ATXN1: variants seen among roughly 807,000 people sequenced by gnomAD.
ATXN1 encodes ataxin-1.
In ATXN1, 8 loss-of-function variants were observed where a neutral mutation model predicts 56.4. The observed-to-expected ratio is 0.14, with a 90% CI of 0.08 to 0.26. ATXN1 has a LOEUF of 0.26. Among genes scored for constraint, ATXN1 ranks in the 10% least tolerant of loss-of-function variants. The probability of loss-of-function intolerance (pLI) is 1.00; values close to 1 mark genes in which losing one functional copy is unlikely to be tolerated. For synonymous variants in ATXN1, 514 were observed against 494.6 expected (o/e 1.04, Z -0.52); for missense variants, 987 against 1,106.5 (o/e 0.89, Z 1.53).
intron 3 of ATXN1, among the ~76,000 whole-genome samples, chr6:16,593,681 T>G (rs917867433): frequency 2.6e-5 from 4 of 152,102 alleles, no homozygotes; most frequent in Admixed American, 6.6e-5. Flanking sequence ...TATAATACTA[T>G]CATACTGTAT....
chr6:16,330,425 C>A (rs1256426968), intron 6 of ATXN1, among the ~76,000 whole-genome samples: 2 of 113,360 alleles, frequency 1.8e-5, no homozygotes, highest in South Asian at 5.3e-4. Flanking sequence ...GGTCTTGCTT[C>A]GTTGCTCAGA....
intron 3 of ATXN1, among the ~76,000 whole-genome samples, chr6:16,649,592 G>C (rs1763860023): frequency 6.6e-6 from 1 of 152,234 alleles, no homozygotes; most frequent in Non-Finnish European, 1.5e-5. Context: ...ATATACGCCA[G>C]TAGTTTAGTT....
intron 6 of ATXN1, among the ~76,000 whole-genome samples, chr6:16,445,846 C>T (rs1204153166): frequency 9.9e-5 from 15 of 151,100 alleles, no homozygotes; most frequent in African/African-American, 3.4e-4. Flanking sequence ...CTACAAAGGA[C>T]GTGAACTCAT....
At chr6:16,393,336 G>C (rs1758392318) in intron 6 of ATXN1, among the ~76,000 whole-genome samples, 1 of 152,066 alleles carries the variant, frequency 6.6e-6, no homozygotes, top group Non-Finnish European at 1.5e-5. Flanking sequence ...CTGGGCTCAA[G>C]CAATCCTCCC....
chr6:16,624,383 G>A (rs1015140782), intron 3 of ATXN1, among the ~76,000 whole-genome samples: 3 of 150,828 alleles, frequency 2.0e-5, no homozygotes, highest in Non-Finnish European at 4.4e-5. Flanking sequence ...GAGTTCTGGA[G>A]ATGGATGGTG....
chr6:16,597,130 G>C (rs746800041), intron 3 of ATXN1, among the ~76,000 whole-genome samples: 1 of 152,342 alleles, frequency 6.6e-6, no homozygotes, highest in Admixed American at 6.5e-5. Flanking sequence ...CCTCCCAGGG[G>C]ATTGAGCTCC....
At position 16,526,064 on chromosome 6, in the gene ATXN1, T is replaced by TATATATATATATATATACACAC. The variant is rs370698828; in HGVS notation, c.-360-3377_-360-3376insGTGTGTATATATATATATATAT. ...ATCTATATATATATATATATATATA[T>TATATATATATATATATACACAC]ACATACATACAATCTATTTATAATG... On this transcript the variant is annotated intron_variant, in intron 4 of 7. Coordinates refer to ENST00000436367, the MANE Select transcript of ATXN1 (RefSeq NM_001128164.2). Among the ~76,000 whole-genome samples, 8 of 133,312 alleles carry TATATATATATATATATACACAC rather than the reference T, an allele frequency of 6.0e-5. No homozygotes were observed. The East Asian group carries it at 8.3e-4, about 14-fold the overall frequency. The allele number at this position is 133,312 out of a possible 152,430, so 87.5% of individuals were successfully genotyped here.
chr6:16,548,320 G>A (rs1357225038), intron 4 of ATXN1, among the ~76,000 whole-genome samples: 1 of 152,184 alleles, frequency 6.6e-6, no homozygotes, highest in Non-Finnish European at 1.5e-5. Context: ...GTCAGTGAGT[G>A]GGTGGTGAGC....
At chr6:16,458,244 A>C (rs1388516684) in intron 6 of ATXN1, among the ~76,000 whole-genome samples, 8 of 152,212 alleles carry the variant, frequency 5.3e-5, no homozygotes, top group African/African-American at 1.9e-4. Flanking sequence ...GATCATGGGA[A>C]CTGGAGTCGC....
chr6:16,337,288 C>T (rs1025924036), intron 6 of ATXN1, among the ~76,000 whole-genome samples: 8 of 152,344 alleles, frequency 5.3e-5, no homozygotes, highest in Admixed American at 2.6e-4. Context: ...CTCTGCCACC[C>T]CTGGAAACAT....
chr6:16,577,098 C>T (rs1160519385), intron 4 of ATXN1, among the ~76,000 whole-genome samples: 1 of 152,178 alleles, frequency 6.6e-6, no homozygotes, highest in Non-Finnish European at 1.5e-5. Flanking sequence ...CTCTTGTCCC[C>T]AGACCACAGA....
chr6:16,436,811 G>A (rs1759401996), intron 6 of ATXN1, among the ~76,000 whole-genome samples: 1 of 152,168 alleles, frequency 6.6e-6, no homozygotes, highest in African/African-American at 2.4e-5. Flanking sequence ...GTTTTGATCA[G>A]AGGAGGTACA....
chr6:16,744,897 G>A (rs1351165604), intron 2 of ATXN1, among the ~76,000 whole-genome samples: 1 of 152,036 alleles, frequency 6.6e-6, no homozygotes, highest in Non-Finnish European at 1.5e-5. Flanking sequence ...TGAAATGAAA[G>A]GACACTGGAC....
intron 4 of ATXN1, among the ~76,000 whole-genome samples, chr6:16,565,571 G>T (rs974561546): frequency 6.6e-6 from 1 of 152,070 alleles, no homozygotes; most frequent in South Asian, 2.1e-4. Context: ...AATAATCATA[G>T]TAATAATAAT....
At chr6:16,516,935 A>G (rs1761193935) in intron 5 of ATXN1, among the ~76,000 whole-genome samples, 1 of 152,186 alleles carries the variant, frequency 6.6e-6, no homozygotes. Context: ...ATTTTCCCCA[A>G]AATTTAGTTG....
intron 1 of ATXN1, among the ~76,000 whole-genome samples, chr6:16,756,193 C>T (rs1467568862): frequency 2.0e-5 from 3 of 151,850 alleles, no homozygotes; most frequent in Admixed American, 2.0e-4. Flanking sequence ...TTGTCTAAAA[C>T]CATTCTTTTT....
chr6:16,427,538 C>A (rs138242325), intron 6 of ATXN1, among the ~76,000 whole-genome samples: 2 of 152,132 alleles, frequency 1.3e-5, no homozygotes, highest in South Asian at 2.1e-4. Flanking sequence ...TGACAAAATC[C>A]CTAAGACAGA....
chr6:16,565,738 T>C (rs1762205336), intron 4 of ATXN1, among the ~76,000 whole-genome samples: 1 of 152,134 alleles, frequency 6.6e-6, no homozygotes, highest in Non-Finnish European at 1.5e-5. Flanking sequence ...TGTTAATATC[T>C]AGGGTTAATA....
intron 4 of ATXN1, among the ~76,000 whole-genome samples, chr6:16,580,473 G>A (rs1206515589): frequency 6.6e-6 from 1 of 152,216 alleles, no homozygotes; most frequent in African/African-American, 2.4e-5. Flanking sequence ...CATTAGTGTA[G>A]CAGGGGAAGG....
Sources: allele counts gnomAD v4.1 joint callset (sites outside exome capture counted in the v4.1 genomes callset), GRCh38; gene constraint gnomAD v4.1.1; transcripts MANE v1.5; gene names NCBI Gene and HGNC (gene_info 2026-07-23, HGNC 2026-07-21).